Variants in XYLT1 observed in about 807,000 individuals in gnomAD.
XYLT1 encodes beta-D-xylosyltransferase 1.
In XYLT1, 36 loss-of-function variants were observed where a neutral mutation model predicts 91.3. That is an observed-to-expected ratio of 0.39 (90% CI 0.30 to 0.52). The LOEUF (loss-of-function observed/expected upper bound fraction) is 0.52. Ranked by LOEUF, XYLT1 falls within the 20% of genes least tolerant of loss-of-function variation. The pLI, the probability that XYLT1 is intolerant of heterozygous loss-of-function variation, is 0.68. For missense variants in XYLT1, 1,242 were observed against 1,284.5 expected, an observed-to-expected ratio of 0.97 and a Z score of 0.51; for synonymous variants, 588 against 532.0, an observed-to-expected ratio of 1.11 and a Z score of -1.45.
At chr16:17,347,015 G>C (rs1185587724) in intron 2 of XYLT1, among the ~76,000 whole-genome samples, 2 of 152,276 alleles carry the variant, frequency 1.3e-5, no homozygotes, top group South Asian at 2.1e-4. Flanking sequence ...ATCACATTGA[G>C]GGGGGAGCCG....
At chr16:17,125,296 C>CCATACACTG (rs2141493178) in intron 10 of XYLT1, among the ~76,000 whole-genome samples, 1 of 152,298 alleles carries the variant, frequency 6.6e-6, no homozygotes, top group South Asian at 2.1e-4. Flanking sequence ...ATGTGGGGCT[C>CCATACACTG]CATACACTGC....
At chr16:17,463,073 C>G (rs546505197) in intron 1 of XYLT1, among the ~76,000 whole-genome samples, 1 of 152,124 alleles carries the variant, frequency 6.6e-6, no homozygotes, top group South Asian at 2.1e-4. Context: ...TACACAAAAA[C>G]CAAATCAAAA....
In XYLT1 at chr16:17,150,979, G is replaced by A. The variant is rs148624498; in HGVS notation, c.1370+7850C>T. ...CTGTGGCTGCCAAAGGAAGCTACAG[G>A]GAAGTCCTCAGCTTCAGAACCTCAC... is the stretch of plus-strand genomic sequence containing the variant. On this transcript the variant is annotated intron_variant, in intron 6 of 11. Transcript: ENST00000261381. Among the ~76,000 whole-genome samples, 321 of 152,250 alleles carry A rather than the reference G, an allele frequency of 2.1e-3. 1 individual carries two copies. The highest frequency in any genetic ancestry group is 7.3e-3 in the African/African-American group (302 of 41,554).
intron 1 of XYLT1, among the ~76,000 whole-genome samples, chr16:17,381,257 G>A (rs1250893029): frequency 6.6e-6 from 1 of 152,054 alleles, no homozygotes; most frequent in Non-Finnish European, 1.5e-5. Context: ...AATTTGGGGT[G>A]ATGATGTCAC....
intron 2 of XYLT1, among the ~76,000 whole-genome samples, chr16:17,346,561 T>C (rs2035146520): frequency 6.6e-6 from 1 of 152,118 alleles, no homozygotes. Flanking sequence ...ATTTAAAAAA[T>C]TTAAAAATCT....
chr16:17,295,804 T>C (rs570774212), intron 2 of XYLT1, among the ~76,000 whole-genome samples: 8 of 152,178 alleles, frequency 5.3e-5, no homozygotes, highest in South Asian at 4.1e-4. Flanking sequence ...TATCCTGTAA[T>C]GCACAGGACG....
intron 3 of XYLT1, among the ~76,000 whole-genome samples, chr16:17,208,828 G>A (rs892379716): frequency 7.9e-5 from 12 of 152,086 alleles, no homozygotes; most frequent in African/African-American, 1.2e-4. Flanking sequence ...GGGTTCAAGC[G>A]ATTCTCCTGC....
intron 1 of XYLT1, among the ~76,000 whole-genome samples, chr16:17,401,065 C>T (rs2035962973): frequency 6.6e-6 from 1 of 151,966 alleles, no homozygotes. Context: ...TAGTGTTTGA[C>T]AAAATGCAAC....
intron 3 of XYLT1, among the ~76,000 whole-genome samples, 196 bp downstream of exon 3, chr16:17,258,792 T>C (rs1386776825): frequency 1.3e-5 from 2 of 151,966 alleles, no homozygotes; most frequent in African/African-American, 4.8e-5. Flanking sequence ...GGTAATCTGA[T>C]TTTGCAAAAT....
chr16:17,304,315 C>T (rs975988477), intron 2 of XYLT1, among the ~76,000 whole-genome samples: 1 of 152,142 alleles, frequency 6.6e-6, no homozygotes, highest in African/African-American at 2.4e-5. Flanking sequence ...TGGCTTCAGG[C>T]ACAGGTAAGG....
At chr16:17,432,369 C>G (rs1041984952) in intron 1 of XYLT1, among the ~76,000 whole-genome samples, 2 of 152,216 alleles carry the variant, frequency 1.3e-5, no homozygotes, top group African/African-American at 4.8e-5. Flanking sequence ...TATATCCTTA[C>G]AGTGGAATAC....
intron 9 of XYLT1, among the ~76,000 whole-genome samples, chr16:17,130,333 T>C (rs2030422861): frequency 6.6e-6 from 1 of 152,208 alleles, no homozygotes; most frequent in Non-Finnish European, 1.5e-5. Flanking sequence ...ATCGTGACAA[T>C]AGACAAAGCA....
At chr16:17,246,276 C>A (rs1275575135) in intron 3 of XYLT1, among the ~76,000 whole-genome samples, 1 of 152,188 alleles carries the variant, frequency 6.6e-6, no homozygotes, top group Non-Finnish European at 1.5e-5. Context: ...ACAATCCCTA[C>A]GTAGAGGTTA....
intron 5 of XYLT1, among the ~76,000 whole-genome samples, chr16:17,173,727 G>C (rs1186547489): frequency 6.6e-6 from 1 of 152,246 alleles, no homozygotes; most frequent in Non-Finnish European, 1.5e-5. Context: ...GTGACAGCTT[G>C]ACGTGCTGCT....
chr16:17,141,713 T>C (rs1418594474), intron 6 of XYLT1, among the ~76,000 whole-genome samples: 1 of 152,114 alleles, frequency 6.6e-6, no homozygotes, highest in African/African-American at 2.4e-5. Context: ...ACAACCTCCT[T>C]ATGCCATAGA....
At chr16:17,320,213 C>A (rs191861826) in intron 2 of XYLT1, among the ~76,000 whole-genome samples, 7 of 152,276 alleles carry the variant, frequency 4.6e-5, no homozygotes, top group African/African-American at 1.7e-4. Context: ...AAAAAGGAAC[C>A]GTGCCTGTTT....
chr16:17,293,248 C>T (rs2034257404), intron 2 of XYLT1, among the ~76,000 whole-genome samples: 1 of 151,998 alleles, frequency 6.6e-6, no homozygotes, highest in South Asian at 2.1e-4. Context: ...TCATGGCATC[C>T]CCGAGTTTAC....
At chr16:17,354,361 C>T (rs1365696332) in intron 2 of XYLT1, among the ~76,000 whole-genome samples, 2 of 152,148 alleles carry the variant, frequency 1.3e-5, no homozygotes, top group Non-Finnish European at 2.9e-5. Flanking sequence ...TAGAGGAGTC[C>T]TCAGCAGCCA....
chr16:17,352,059 G>C (rs2035228852), intron 2 of XYLT1, among the ~76,000 whole-genome samples: 1 of 152,138 alleles, frequency 6.6e-6, no homozygotes, highest in Non-Finnish European at 1.5e-5. Context: ...GGTTGAAGCT[G>C]CAGTGAACCG....
Sources: gnomAD v4.1 joint callset for allele counts (sites outside exome capture counted in the v4.1 genomes callset) on GRCh38, gnomAD v4.1.1 for gene constraint, MANE v1.5 for transcripts, NCBI Gene and HGNC (gene_info 2026-07-23, HGNC 2026-07-21) for gene names.